ENTREP2: variants seen among roughly 807,000 people sequenced by gnomAD.
ENTREP2 encodes protein ENTREP2.
the ENTREP2 span, among the ~76,000 whole-genome samples, chr15:29,646,657 A>C: frequency 1.3e-5 from 2 of 152,198 alleles, no homozygotes; most frequent in Non-Finnish European, 2.9e-5. Flanking sequence ...CTGAATCTTA[A>C]GTTCAGCTGA....
At chr15:29,466,764 G>A in the ENTREP2 span, among the ~76,000 whole-genome samples, 2 of 120,738 alleles carry the variant, frequency 1.7e-5, no homozygotes, top group Non-Finnish European at 3.4e-5. Context: ...AGGAGAGGAC[G>A]CTGCAGCCCC....
chr15:29,455,650 G>C, the ENTREP2 span, among the ~76,000 whole-genome samples: 1 of 152,166 alleles, frequency 6.6e-6, no homozygotes, highest in East Asian at 1.9e-4. Context: ...CAGAGCAGGG[G>C]CTCCCAACCC....
chr15:29,310,582 G>C, the ENTREP2 span, among the ~76,000 whole-genome samples: 1 of 152,222 alleles, frequency 6.6e-6, no homozygotes, highest in African/African-American at 2.4e-5. Context: ...CAGGAGAAGA[G>C]AAACTGGCCC....
At chr15:29,275,953 G>C in the ENTREP2 span, among the ~76,000 whole-genome samples, 1 of 152,188 alleles carries the variant, frequency 6.6e-6, no homozygotes, top group Non-Finnish European at 1.5e-5. Flanking sequence ...ATACTATTTT[G>C]GTGGGTAGAC....
chr15:29,176,076 C>G, the ENTREP2 span, among the ~76,000 whole-genome samples: 1 of 152,248 alleles, frequency 6.6e-6, no homozygotes, highest in Non-Finnish European at 1.5e-5. Context: ...TACTGGCTGA[C>G]ATGCAGAAGT....
At chr15:29,267,753 C>G in the ENTREP2 span, 1 of 152,062 alleles carries the variant, frequency 6.6e-6, no homozygotes, top group Non-Finnish European at 1.5e-5. Flanking sequence ...AGTGGCAGCT[C>G]CAGACCAAGG....
chr15:29,274,572 A>G, the ENTREP2 span, among the ~76,000 whole-genome samples: 1 of 152,218 alleles, frequency 6.6e-6, no homozygotes, highest in Non-Finnish European at 1.5e-5. Flanking sequence ...GGATTAAGTG[A>G]GATAGGTTTA....
At chr15:29,501,834 A>G in the ENTREP2 span, among the ~76,000 whole-genome samples, 1 of 152,048 alleles carries the variant, frequency 6.6e-6, no homozygotes, top group Non-Finnish European at 1.5e-5. Flanking sequence ...AGGTGACACG[A>G]TATAAGTTCA....
chr15:29,356,307 T>A, the ENTREP2 span, among the ~76,000 whole-genome samples: 19 of 94,096 alleles, frequency 2.0e-4, no homozygotes, highest in African/African-American at 7.7e-4. Flanking sequence ...TTTTTTTTTT[T>A]TTTTTTTTTT....
chr15:29,447,433 G>A, the ENTREP2 span, among the ~76,000 whole-genome samples: 1 of 152,148 alleles, frequency 6.6e-6, no homozygotes, highest in Non-Finnish European at 1.5e-5. Context: ...GTGTCTGACT[G>A]GGCTAGTCCT....
chr15:29,180,029 A>C, the ENTREP2 span, among the ~76,000 whole-genome samples: 3 of 152,146 alleles, frequency 2.0e-5, no homozygotes, highest in Admixed American at 1.3e-4. Context: ...CAGGAAGAAG[A>C]GTCTACAGAG....
the ENTREP2 span, among the ~76,000 whole-genome samples, chr15:29,345,276 G>C: frequency 6.6e-6 from 1 of 152,186 alleles, no homozygotes; most frequent in Non-Finnish European, 1.5e-5. Context: ...ATCATCTCTT[G>C]AATGAAGTTC....
At chr15:29,377,682 C>T in the ENTREP2 span, among the ~76,000 whole-genome samples, 4 of 151,736 alleles carry the variant, frequency 2.6e-5, no homozygotes, top group East Asian at 1.9e-4. Flanking sequence ...ATTAGCTGGG[C>T]GTGGTGCGCA....
At chr15:29,156,145 TTTGTTG>T in the ENTREP2 span, among the ~76,000 whole-genome samples, 6 of 152,082 alleles carry the variant, frequency 3.9e-5, no homozygotes, top group South Asian at 1.2e-3. Flanking sequence ...CAACCTGTTT[TTTGTTG>T]TTGTTGTTGT....
the ENTREP2 span, among the ~76,000 whole-genome samples, chr15:29,286,669 C>T: frequency 5.3e-5 from 8 of 152,316 alleles, no homozygotes; most frequent in African/African-American, 9.6e-5. Context: ...TCTCCTTGCA[C>T]GGACAGAGCT....
At chr15:29,133,244 C>T in the ENTREP2 span, among the ~76,000 whole-genome samples, 2 of 152,276 alleles carry the variant, frequency 1.3e-5, no homozygotes, top group South Asian at 2.1e-4. Flanking sequence ...CCTACCATCC[C>T]ATCTTCTCTC....
the ENTREP2 span, among the ~76,000 whole-genome samples, chr15:29,612,182 A>G: frequency 1.3e-5 from 2 of 152,134 alleles, no homozygotes; most frequent in African/African-American, 4.8e-5. Flanking sequence ...TGTCTTCCTC[A>G]CGTGCATTCC....
chr15:29,648,989 A>T, the ENTREP2 span, among the ~76,000 whole-genome samples: 9 of 151,882 alleles, frequency 5.9e-5, no homozygotes, highest in African/African-American at 2.2e-4. Context: ...CCTTTCACCC[A>T]AAGTTGAGCC....
At chr15:29,360,542 A>C in the ENTREP2 span, among the ~76,000 whole-genome samples, 1 of 152,226 alleles carries the variant, frequency 6.6e-6, no homozygotes, top group Non-Finnish European at 1.5e-5. Context: ...AATATTCATC[A>C]TTAATACAGT....
Sources: allele counts gnomAD v4.1 joint callset (sites outside exome capture counted in the v4.1 genomes callset), GRCh38; gene constraint gnomAD v4.1.1; transcripts MANE v1.5; gene names NCBI Gene and HGNC (gene_info 2026-07-23, HGNC 2026-07-21).